PRPSAP1: variants seen among roughly 807,000 people sequenced by gnomAD.
The protein encoded by PRPSAP1 is phosphoribosyl pyrophosphate synthase-associated protein 1.
Under a neutral mutation model 39.4 loss-of-function variants are expected in PRPSAP1, and 31 were observed. That is an observed-to-expected ratio of 0.79 (90% confidence interval 0.59 to 1.06). PRPSAP1 has a LOEUF of 1.06. Among genes scored for constraint, PRPSAP1 ranks in the 50% least tolerant of loss-of-function variants. PRPSAP1 has a pLI of 0.00. For missense variants in PRPSAP1, 430 were observed against 511.6 expected, an observed-to-expected ratio of 0.84 and a Z score of 1.54; for synonymous variants, 212 against 192.6, an observed-to-expected ratio of 1.10 and a Z score of -0.83.
Position 76,324,442 on chromosome 17 carries a change from C to CA in PRPSAP1, c.781+4274dup, listed in dbSNP as rs532250080. 3.9e-4 allele frequency among the ~76,000 whole-genome samples: 59 copies of CA among 151,100 alleles called. No homozygotes were observed. The East Asian group carries it at 5.3e-3, about 14-fold the overall frequency. On this transcript the variant is annotated intron_variant, in intron 7 of 9. Transcript: ENST00000446526. ...GGTGAAACCCTGTCTCTACTAAATA[C>CA]AAAAAAAATTAGCCAGGTGTGGTGA...
intron 7 of PRPSAP1, among the ~76,000 whole-genome samples, chr17:76,317,470 G>A (rs68007436): frequency 0.16 from 24,187 of 152,184 alleles, 2,555 homozygotes; most frequent in Non-Finnish European, 0.24. Flanking sequence ...GATGCAGTGG[G>A]CTGAGATCGC....
At chr17:76,321,145 C>CT (rs1414827958) in intron 7 of PRPSAP1, among the ~76,000 whole-genome samples, 5 of 152,050 alleles carry the variant, frequency 3.3e-5, no homozygotes, top group Admixed American at 2.6e-4. Context: ...TTTGGTAATT[C>CT]TTGCAATATT....
At chr17:76,318,226 G>A (rs2071145616) in intron 7 of PRPSAP1, among the ~76,000 whole-genome samples, 1 of 152,120 alleles carries the variant, frequency 6.6e-6, no homozygotes, top group South Asian at 2.1e-4. Flanking sequence ...AAGGTGGGTG[G>A]ATCACGAGGT....
chr17:76,327,437 A>G (rs1002150155), intron 7 of PRPSAP1, among the ~76,000 whole-genome samples: 11 of 151,986 alleles, frequency 7.2e-5, no homozygotes, highest in Non-Finnish European at 4.4e-5. Flanking sequence ...GGCGGATCAC[A>G]ATGTCAAGAG....
At chr17:76,340,458 T>C (rs2071423602) in intron 3 of PRPSAP1, among the ~76,000 whole-genome samples, 1 of 151,638 alleles carries the variant, frequency 6.6e-6, no homozygotes, top group African/African-American at 2.4e-5. Flanking sequence ...CCAGCATCAC[T>C]CTAGATTGCA....
At chr17:76,315,950 G>A (rs1323247695) in intron 7 of PRPSAP1, among the ~76,000 whole-genome samples, 1 of 151,442 alleles carries the variant, frequency 6.6e-6, no homozygotes, top group Non-Finnish European at 1.5e-5. Flanking sequence ...GGCCAAGGCA[G>A]GCGGATCACC....
rs78121266 is a variant in PRPSAP1, at chr17:76,353,899, C to T, written c.-196G>A. The stretch of plus-strand genomic sequence containing the variant: ...GAGCCTTCGCAGCGCCCGGCGCCGC[C>T]GCCTCAGAGCCAGAGGCAAGGCCAC... On this transcript the variant is annotated 5_prime_UTR_variant, in exon 1 of 10. Transcript: ENST00000446526. The T allele has an allele frequency of 6.8e-4, 898 of 1,328,820 alleles. 4 individuals are homozygous for T. In the African/African-American group the frequency reaches 0.011, roughly 17 times the overall value. The allele number at this position is 1,328,820 out of a possible 1,614,324, so 82.3% of individuals were successfully genotyped here. A position where few individuals can be genotyped will look rare whatever the true frequency, so the allele number is the denominator to read the frequency against.
intron 2 of PRPSAP1, among the ~76,000 whole-genome samples, chr17:76,345,176 A>C (rs934259619): frequency 1.4e-5 from 2 of 143,976 alleles, no homozygotes; most frequent in Non-Finnish European, 3.0e-5. Flanking sequence ...CAGAGCTTGC[A>C]GTGAGCCGAG....
chr17:76,311,634 C>G lies in PRPSAP1; in HGVS notation c.1066G>C (p.Asp356His). Residue 356 changes from aspartate to histidine, a missense_variant, in exon 10 of 10, where the codon GAT becomes CAT. Transcript: ENST00000446526. ...KLQCPKIKTVDISLILSEAIR... is the reference protein window; with the variant it reads ...KLQCPKIKTVHISLILSEAIR... Reference sequence around the variant, plus strand: ...GCTTCAGAAAGAATCAAACTGATATCCACAGTCTTTATCTTGGGACATTGC... The same window carrying G: ...GCTTCAGAAAGAATCAAACTGATATGCACAGTCTTTATCTTGGGACATTGC... 3.1e-6 allele frequency: 5 copies of G among 1,614,194 alleles called. No individual in the cohort carries two copies. The highest frequency in any genetic ancestry group is 4.2e-6 in the Non-Finnish European group (5 of 1,180,030).
At chr17:76,318,092 T>C (rs539620022) in intron 7 of PRPSAP1, among the ~76,000 whole-genome samples, 1 of 152,218 alleles carries the variant, frequency 6.6e-6, no homozygotes, top group African/African-American at 2.4e-5. Flanking sequence ...CACAAACATC[T>C]CCAGACATTG....
chr17:76,311,796 C>A lies in PRPSAP1; in HGVS notation c.1000-96G>T, dbSNP rs2071073606. On this transcript the variant is annotated intron_variant, in intron 9 of 9. Coordinates refer to ENST00000446526, the MANE Select transcript of PRPSAP1 (RefSeq NM_002766.3). Reference sequence around the variant, plus strand: ...CTTATCTAACATTGAGTTCCCACAGCCTAAGTTCCAAACTACAAAACCTTG... The same window carrying A: ...CTTATCTAACATTGAGTTCCCACAGACTAAGTTCCAAACTACAAAACCTTG... 2.9e-6 allele frequency: 4 copies of A among 1,373,252 alleles called. No individual in the cohort carries two copies. The East Asian group carries it at 7.4e-5, about 25-fold the overall frequency. 85.1% of individuals were successfully genotyped at this position (1,373,252 alleles called of 1,614,324 possible).
intron 7 of PRPSAP1, among the ~76,000 whole-genome samples, chr17:76,315,350 G>C (rs1009300377): frequency 2.6e-5 from 4 of 152,162 alleles, no homozygotes. Flanking sequence ...AAGCGAAAGA[G>C]AATAAAATTC....
intron 7 of PRPSAP1, among the ~76,000 whole-genome samples, chr17:76,315,006 G>A (rs902677722): frequency 6.6e-6 from 1 of 152,228 alleles, no homozygotes; most frequent in African/African-American, 2.4e-5. Context: ...TTTGGACAGT[G>A]TAACCTTACT....
chr17:76,316,081 A>C (rs2071120071), intron 7 of PRPSAP1, among the ~76,000 whole-genome samples: 3 of 151,270 alleles, frequency 2.0e-5, no homozygotes, highest in African/African-American at 7.3e-5. Flanking sequence ...AGGAGACTGA[A>C]ACAAGACTTG....
At chr17:76,313,320 C>A in intron 8 of PRPSAP1, 1 of 281,858 alleles carries the variant, frequency 3.5e-6, no homozygotes, top group East Asian at 6.7e-5. Context: ...GCCAGCGTTC[C>A]ATTTATTTTT....
chr17:76,346,988 A>G (rs2071509128), intron 2 of PRPSAP1, among the ~76,000 whole-genome samples: 1 of 152,108 alleles, frequency 6.6e-6, no homozygotes, highest in South Asian at 2.1e-4. Context: ...CCCAGGAGAG[A>G]TGATACAACA....
chr17:76,346,850 T>C (rs435918), intron 2 of PRPSAP1, among the ~76,000 whole-genome samples: 77,788 of 151,712 alleles, frequency 0.51, 23,766 homozygotes, highest in African/African-American at 0.87. Context: ...AAGCTGAGAT[T>C]GCACCACTGC....
intron 1 of PRPSAP1, among the ~76,000 whole-genome samples, chr17:76,350,774 T>C (rs2071559691): frequency 6.6e-6 from 1 of 152,220 alleles, no homozygotes. Flanking sequence ...GGCTCATGCC[T>C]GTAAAGGCGG....
intron 6 of PRPSAP1, 91 bp from the exon 7 acceptor site, chr17:76,328,953 T>C: frequency 7.1e-7 from 1 of 1,407,196 alleles, no homozygotes; most frequent in African/African-American, 1.5e-5. Flanking sequence ...TGAAAATATT[T>C]AACGTTTCAG....
Sources: gnomAD v4.1 joint callset for allele counts (sites outside exome capture counted in the v4.1 genomes callset) on GRCh38, gnomAD v4.1.1 for gene constraint, MANE v1.5 for transcripts, NCBI Gene and HGNC (gene_info 2026-07-23, HGNC 2026-07-21) for gene names.